Variants in OXSR1 observed in about 807,000 individuals in gnomAD.
The protein encoded by OXSR1 is oxidative stress responsive kinase 1, also known as serine/threonine-protein kinase OSR1.
Under a neutral mutation model 79.8 loss-of-function variants are expected in OXSR1, and 24 were observed. The observed-to-expected ratio is 0.30, with a 90% CI of 0.22 to 0.42. OXSR1 has a LOEUF of 0.42. Ranked by LOEUF, OXSR1 falls within the 10% of genes least tolerant of loss-of-function variation. The pLI is 1.00. For missense variants in OXSR1, 430 were observed against 618.4 expected (o/e 0.70, Z 3.23); for synonymous variants, 226 against 209.2 (o/e 1.08, Z -0.69).
chr3:38,195,832 C>T lies in OXSR1; in HGVS notation c.293-2890C>T, dbSNP rs1203950122. 3.9e-5 allele frequency among the ~76,000 whole-genome samples: 6 copies of T among 152,164 alleles called. No individual in the cohort carries two copies. The East Asian group carries it at 9.6e-4, about 24-fold the overall frequency. On this transcript the variant is annotated intron_variant, in intron 3 of 17. Coordinates refer to ENST00000311806, the MANE Select transcript of OXSR1 (RefSeq NM_005109.3). ...TGTTCCATGCCACAGGCTATGAAGC[C>T]TGACAGGGGATTATTTTTTGGGAAT...
chr3:38,252,980 A>C lies in OXSR1; in HGVS notation c.*89A>C, dbSNP rs1703291339. ...TGGCCTAAACCCACTACTGCCAAAG[A>C]ACCCAGCAACAAACCTCCCGGCTAG... is the stretch of plus-strand genomic sequence containing the variant. On this transcript the variant is annotated 3_prime_UTR_variant, in exon 18 of 18. Coordinates refer to ENST00000311806, the MANE Select transcript of OXSR1 (RefSeq NM_005109.3). 2.9e-6 allele frequency: 3 copies of C among 1,020,660 alleles called. No homozygotes were observed. The highest frequency in any genetic ancestry group is 4.6e-6 in the Non-Finnish European group (3 of 653,008). The allele number at this position is 1,020,660 out of a possible 1,614,324, so 63.2% of individuals were successfully genotyped here. A position where few individuals can be genotyped will look rare whatever the true frequency, so the allele number is the denominator to read the frequency against.
intron 5 of OXSR1, among the ~76,000 whole-genome samples, chr3:38,220,971 G>A (rs909429724): frequency 1.3e-5 from 2 of 152,140 alleles, no homozygotes; most frequent in African/African-American, 2.4e-5. Context: ...TTAGAGAGGT[G>A]AACTAAGTTT....
rs1245112738 is a variant in OXSR1, at chr3:38,198,993, T to C, written c.434+130T>C. Reference sequence around the variant, plus strand: ...TAGTTTTAGTACACTGTGGTTAGAGTCTTAATTATACAGCTAGTAAACATT... The same window carrying C: ...TAGTTTTAGTACACTGTGGTTAGAGCCTTAATTATACAGCTAGTAAACATT... On this transcript the variant is annotated intron_variant, in intron 4 of 17. Transcript: ENST00000311806. 3 of 658,438 alleles carry C rather than the reference T, an allele frequency of 4.6e-6. No individual in the cohort carries two copies. The African/African-American group carries it at 5.4e-5, about 12-fold the overall frequency. The allele number at this position is 658,438 out of a possible 1,614,324, so 40.8% of individuals were successfully genotyped here. A position where few individuals can be genotyped will look rare whatever the true frequency, so the allele number is the denominator to read the frequency against.
Position 38,198,762 on chromosome 3 carries a change from G to A in OXSR1, c.333G>A (p.Gly111=), listed in dbSNP as rs1361302067. The part of the protein sequence containing the change: ...LDIIKHIVAK[G]EHKSGVLDES... ...TTATTAAGCACATTGTGGCAAAAGG[G>A]GAACACAAAAGTGGAGTCCTAGATG... Residue 111 remains glycine (G), a synonymous_variant, in exon 4 of 18, where the codon GGG becomes GGA. Coordinates refer to ENST00000311806, the MANE Select transcript of OXSR1 (RefSeq NM_005109.3). The A allele has an allele frequency of 1.2e-6, 2 of 1,612,838 alleles. No homozygotes were observed. Among genetic ancestry groups the A allele is most frequent in the Non-Finnish European group, 1.7e-6 (2 of 1,179,166 alleles).
chr3:38,254,357 G>A lies in OXSR1; in HGVS notation c.*1466G>A, dbSNP rs1329179869. Reference sequence around the variant, plus strand: ...CCTTTTGTTTCATTCTGAGTCTTTAGTTTTAGTCATGGGCTTTCTTCACCT... The same window carrying A: ...CCTTTTGTTTCATTCTGAGTCTTTAATTTTAGTCATGGGCTTTCTTCACCT... On this transcript the variant is annotated 3_prime_UTR_variant, in exon 18 of 18. Transcript: ENST00000311806. 5.0e-6 allele frequency: 2 copies of A among 396,226 alleles called. No individual in the cohort carries two copies. Among genetic ancestry groups the A allele is most frequent in the Non-Finnish European group, 8.9e-6 (2 of 224,980 alleles). The allele number at this position is 396,226 out of a possible 1,614,324, so 24.5% of individuals were successfully genotyped here.
intron 2 of OXSR1, among the ~76,000 whole-genome samples, chr3:38,186,435 A>T (rs957615227): frequency 6.6e-6 from 1 of 152,208 alleles, no homozygotes; most frequent in East Asian, 1.9e-4. Context: ...CACCCCAAAA[A>T]GAAACTCCAT....
intron 13 of OXSR1, 113 bp downstream of exon 13, chr3:38,246,334 A>G (rs573581680): frequency 7.9e-6 from 8 of 1,017,354 alleles, no homozygotes; most frequent in South Asian, 2.1e-5. Context: ...AGATTTTGAA[A>G]CAAGTTAGAA....
intron 5 of OXSR1, among the ~76,000 whole-genome samples, chr3:38,218,095 G>C (rs1403165592): frequency 2.0e-5 from 3 of 152,210 alleles, no homozygotes; most frequent in Middle Eastern, 6.8e-3. Context: ...ATATCTGTCT[G>C]AGTTTCTTGC....
intron 5 of OXSR1, among the ~76,000 whole-genome samples, chr3:38,218,409 A>G (rs963238298): frequency 6.6e-6 from 1 of 152,102 alleles, no homozygotes; most frequent in African/African-American, 2.4e-5. Flanking sequence ...GTATTTCCCT[A>G]TTGATTAGTG....
At chr3:38,172,926 C>A (rs1701609749) in intron 1 of OXSR1, among the ~76,000 whole-genome samples, 1 of 152,216 alleles carries the variant, frequency 6.6e-6, no homozygotes, top group Non-Finnish European at 1.5e-5. Flanking sequence ...TTTCATGCGA[C>A]CACACTTAGC....
intron 1 of OXSR1, among the ~76,000 whole-genome samples, chr3:38,168,954 G>A (rs759311455): frequency 5.3e-5 from 8 of 152,148 alleles, no homozygotes; most frequent in South Asian, 2.1e-4. Context: ...CCATGAATAT[G>A]TTTCATTTTT....
intron 9 of OXSR1, among the ~76,000 whole-genome samples, chr3:38,230,020 G>A (rs1367143644): frequency 1.3e-5 from 2 of 152,084 alleles, no homozygotes; most frequent in Non-Finnish European, 2.9e-5. Context: ...TGGTTTTAAG[G>A]TTTACTACTG....
chr3:38,236,320 A>G (rs1215519380), intron 10 of OXSR1, among the ~76,000 whole-genome samples: 3 of 152,176 alleles, frequency 2.0e-5, no homozygotes, highest in Non-Finnish European at 4.4e-5. Context: ...TGTTCAAGAG[A>G]TGAATGTCCA....
chr3:38,176,388 G>A (rs1466103792), intron 1 of OXSR1, among the ~76,000 whole-genome samples: 6 of 152,066 alleles, frequency 3.9e-5, no homozygotes, highest in South Asian at 2.1e-4. Flanking sequence ...CTTCCATATC[G>A]TATTTACATT....
chr3:38,229,935 G>A (rs1446872809), intron 9 of OXSR1, among the ~76,000 whole-genome samples, 200 bp downstream of exon 9: 1 of 152,070 alleles, frequency 6.6e-6, no homozygotes, highest in Non-Finnish European at 1.5e-5. Flanking sequence ...TTAAATATTA[G>A]GTTAAACTGA....
Position 38,188,157 on chromosome 3 carries a change from C to G in OXSR1, c.184-2574C>G, listed in dbSNP as rs1701918166. 2.0e-5 allele frequency among the ~76,000 whole-genome samples: 3 copies of G among 152,054 alleles called. No homozygotes were observed. In the South Asian group the frequency reaches 6.2e-4, roughly 31 times the overall value. On this transcript the variant is annotated intron_variant, in intron 2 of 17. Coordinates refer to ENST00000311806, the MANE Select transcript of OXSR1 (RefSeq NM_005109.3). ...CTAGAAAACCCTTTGTAGTACTCCC[C>G]TTTTCAGATTAAAGCTCAAAACCCT...
chr3:38,181,181 G>A (rs1701778732), intron 1 of OXSR1, among the ~76,000 whole-genome samples: 1 of 141,838 alleles, frequency 7.1e-6, no homozygotes, highest in Non-Finnish European at 1.5e-5. Context: ...TGTTAATCTT[G>A]TCTTCAAGTT....
chr3:38,196,630 G>A (rs1056118132), intron 3 of OXSR1, among the ~76,000 whole-genome samples: 3 of 152,170 alleles, frequency 2.0e-5, no homozygotes, highest in Admixed American at 6.5e-5. Context: ...ATTGATCATT[G>A]GATGATGTGA....
Position 38,254,766 on chromosome 3 carries a change from G to T in OXSR1, c.*1875G>T, listed in dbSNP as rs961645637. 6.6e-6 allele frequency: 1 copy of T among 151,548 alleles called. No homozygotes were observed. The highest frequency in any genetic ancestry group is 6.6e-5 in the Admixed American group (1 of 15,174). 9.4% of individuals were successfully genotyped at this position (151,548 alleles called of 1,614,324 possible). A position where few individuals can be genotyped will look rare whatever the true frequency, so the allele number is the denominator to read the frequency against. On this transcript the variant is annotated 3_prime_UTR_variant, in exon 18 of 18. Coordinates refer to ENST00000311806, the MANE Select transcript of OXSR1 (RefSeq NM_005109.3). The stretch of plus-strand genomic sequence containing the variant: ...AAAATCTACTTATTTATGAATCCAA[G>T]GGGTGGCAGCATCACTCTGTTCTAG...
Sources: gnomAD v4.1 joint callset for allele counts (sites outside exome capture counted in the v4.1 genomes callset) on GRCh38, gnomAD v4.1.1 for gene constraint, MANE v1.5 for transcripts, NCBI Gene and HGNC (gene_info 2026-07-23, HGNC 2026-07-21) for gene names.